Variants in MARCHF1 observed in about 807,000 individuals in gnomAD.
MARCHF1 encodes E3 ubiquitin-protein ligase MARCHF1.
A neutral mutation model predicts 54.2 loss-of-function variants in MARCHF1; 40 were observed. That is an observed-to-expected ratio of 0.74 (90% CI 0.57 to 0.96). MARCHF1 has a LOEUF of 0.96. Among genes scored for constraint, MARCHF1 ranks in the 40% least tolerant of loss-of-function variants. The pLI is 0.00. For missense variants in MARCHF1, 586 were observed against 656.5 expected, an observed-to-expected ratio of 0.89 and a Z score of 1.17; for synonymous variants, 236 against 236.3, an observed-to-expected ratio of 1.00 and a Z score of 0.01.
At chr4:163,662,010 A>T (rs972662641) in intron 5 of MARCHF1, among the ~76,000 whole-genome samples, 1 of 152,118 alleles carries the variant, frequency 6.6e-6, no homozygotes, top group African/African-American at 2.4e-5. Flanking sequence ...TTAAAAAACA[A>T]TTCCAGGGTT....
rs1462056326 is a variant in MARCHF1, at chr4:164,294,866, T to C, written c.-323+89004A>G. On this transcript the variant is annotated intron_variant, in intron 1 of 9. Coordinates refer to ENST00000514618, the MANE Select transcript of MARCHF1 (RefSeq NM_001394959.1). ...GGTGTCACTTCTTAAATATACCCTA[T>C]TGTGACCATACAGAGGACACTAAAC... Among the ~76,000 whole-genome samples the C allele has an allele frequency of 2.0e-5, 3 of 152,274 alleles. No homozygotes were observed. In the East Asian group the frequency reaches 5.8e-4, roughly 29 times the overall value.
In MARCHF1 at chr4:163,828,054, C is replaced by CACACAG. The variant is rs774603753; in HGVS notation, c.111+25966_111+25967insCTGTGT. On this transcript the variant is annotated intron_variant, in intron 4 of 9. Transcript: ENST00000514618. ...ACACACACACACACACACACACACACAGACACACCTTGTCATTCTCCTCCT... is the reference window on the plus strand; with the variant it reads ...ACACACACACACACACACACACACACACACAGAGACACACCTTGTCATTCTCCTCCT... Among the ~76,000 whole-genome samples, 255 of 148,308 alleles carry CACACAG rather than the reference C, an allele frequency of 1.7e-3. 2 individuals carry two copies. Among genetic ancestry groups the CACACAG allele is most frequent in the African/African-American group, 5.2e-3 (210 of 40,298 alleles).
intron 4 of MARCHF1, among the ~76,000 whole-genome samples, chr4:163,790,273 C>T (rs1747739293): frequency 6.6e-6 from 1 of 152,090 alleles, no homozygotes. Flanking sequence ...GTCACGTAAG[C>T]CTTTTTTGTT....
intron 4 of MARCHF1, among the ~76,000 whole-genome samples, chr4:163,721,528 A>G (rs919669417): frequency 2.0e-5 from 3 of 152,116 alleles, no homozygotes; most frequent in Admixed American, 6.5e-5. Flanking sequence ...TGGTATCAGG[A>G]TGATGCTGGC....
intron 8 of MARCHF1, among the ~76,000 whole-genome samples, chr4:163,576,540 G>A (rs80214224): frequency 0.036 from 5,505 of 152,160 alleles, 123 homozygotes; most frequent in Non-Finnish European, 0.052. Flanking sequence ...AGAGTGCTCT[G>A]TAGATGTCTA....
chr4:164,267,061 C>A (rs1733628218), intron 1 of MARCHF1, among the ~76,000 whole-genome samples: 1 of 152,060 alleles, frequency 6.6e-6, no homozygotes, highest in Non-Finnish European at 1.5e-5. Context: ...AAGACAGACA[C>A]AAATACCTAA....
intron 1 of MARCHF1, among the ~76,000 whole-genome samples, chr4:164,377,311 G>A (rs1231857261): frequency 2.6e-5 from 4 of 152,122 alleles, no homozygotes; most frequent in Non-Finnish European, 5.9e-5. Flanking sequence ...TCCGTGAATT[G>A]GTCTAGAAAT....
chr4:164,112,140 A>T (rs1755845145), intron 1 of MARCHF1, among the ~76,000 whole-genome samples: 1 of 151,868 alleles, frequency 6.6e-6, no homozygotes, highest in Admixed American at 6.6e-5. Flanking sequence ...AGGATGAGTA[A>T]AAGGATGCGG....
intron 1 of MARCHF1, among the ~76,000 whole-genome samples, chr4:164,298,587 T>C (rs143447361): frequency 1.9e-3 from 296 of 152,238 alleles, no homozygotes; most frequent in African/African-American, 6.6e-3. Flanking sequence ...CTTTTTAATA[T>C]CAAGAGTTGG....
At chr4:164,050,652 AGT>A in intron 2 of MARCHF1, among the ~76,000 whole-genome samples, 1 of 152,042 alleles carries the variant, frequency 6.6e-6, no homozygotes, top group East Asian at 1.9e-4. Flanking sequence ...CAGCAGACCT[AGT>A]GAATTAAAAT....
chr4:163,709,209 C>T (rs908991777), intron 4 of MARCHF1, among the ~76,000 whole-genome samples: 5 of 152,074 alleles, frequency 3.3e-5, no homozygotes, highest in Non-Finnish European at 5.9e-5. Context: ...CTTAGCATGG[C>T]GGGATTGAGG....
At chr4:163,777,595 T>C (rs182685342) in intron 4 of MARCHF1, among the ~76,000 whole-genome samples, 1 of 152,258 alleles carries the variant, frequency 6.6e-6, no homozygotes, top group Admixed American at 6.5e-5. Flanking sequence ...TTCAGTTTTA[T>C]CTGGGAATTA....
rs1235457472 is a variant in MARCHF1, at chr4:163,636,715, T to C, written c.163-23322A>G. On this transcript the variant is annotated intron_variant, in intron 5 of 9. Transcript: ENST00000514618. ...AATGCCATCCCCATCAAGCTACCAA[T>C]GCCTTTCTTCACACAATTGGAAAAA... Among the ~76,000 whole-genome samples, 4 of 152,074 alleles carry C rather than the reference T, an allele frequency of 2.6e-5. No individual in the cohort carries two copies. The South Asian group carries it at 6.3e-4, about 24-fold the overall frequency.
At chr4:163,894,702 CATGTGATGCATATATAT>C in intron 3 of MARCHF1, among the ~76,000 whole-genome samples, 1 of 20,568 alleles carries the variant, frequency 4.9e-5, no homozygotes, top group African/African-American at 2.2e-4. Context: ...TATATATATG[CATGTGATGCATATATAT>C]ATGCATGTGA....
chr4:163,841,932 C>T (rs1363879425), intron 4 of MARCHF1, among the ~76,000 whole-genome samples: 1 of 152,168 alleles, frequency 6.6e-6, no homozygotes, highest in South Asian at 2.1e-4. Flanking sequence ...TGTGGAATCA[C>T]AAAGCTGTAC....
chr4:163,635,558 T>G (rs1248571218), intron 5 of MARCHF1, among the ~76,000 whole-genome samples: 1 of 144,978 alleles, frequency 6.9e-6, no homozygotes, highest in East Asian at 2.1e-4. Flanking sequence ...AAGTTGAATC[T>G]CCGAATAGAC....
intron 1 of MARCHF1, among the ~76,000 whole-genome samples, chr4:164,310,544 A>G (rs2111424016): frequency 1.5e-5 from 2 of 133,568 alleles, no homozygotes; most frequent in Middle Eastern, 3.8e-3. Context: ...CAGGACGTGT[A>G]GATTCAAGAA....
chr4:163,728,989 T>G (rs1032943954), intron 4 of MARCHF1, among the ~76,000 whole-genome samples: 7 of 152,168 alleles, frequency 4.6e-5, no homozygotes, highest in African/African-American at 1.4e-4. Flanking sequence ...CATGAATGGC[T>G]ATTAGATTTT....
intron 1 of MARCHF1, among the ~76,000 whole-genome samples, chr4:164,134,264 T>C (rs2110829701): frequency 6.6e-6 from 1 of 152,330 alleles, no homozygotes; most frequent in Middle Eastern, 3.4e-3. Flanking sequence ...GAACAATTGA[T>C]TGGTTGCCAG....
Sources: allele counts gnomAD v4.1 joint callset (sites outside exome capture counted in the v4.1 genomes callset), GRCh38; gene constraint gnomAD v4.1.1; transcripts MANE v1.5; gene names NCBI Gene and HGNC (gene_info 2026-07-23, HGNC 2026-07-21).